HUWE1: variants seen among roughly 807,000 people sequenced by gnomAD.
The protein encoded by HUWE1 is E3 ubiquitin-protein ligase HUWE1.
A neutral mutation model predicts 299.4 loss-of-function variants in HUWE1; 18 were observed. The ratio of observed to expected loss-of-function variants is 0.06; its 90% CI spans 0.04 to 0.09. HUWE1 has a LOEUF of 0.09. Among genes scored for constraint, HUWE1 ranks in the 10% least tolerant of loss-of-function variants. HUWE1 has a pLI of 1.00. For missense variants in HUWE1, 1,832 were observed against 3,462.3 expected, an observed-to-expected ratio of 0.53 and a Z score of 11.82; for synonymous variants, 1,317 against 1,286.1, an observed-to-expected ratio of 1.02 and a Z score of -0.51.
intron 12 of HUWE1, 147 bp from the exon 13 acceptor site, chrX:53,629,763 T>C: frequency 2.2e-6 from 1 of 445,742 alleles, no homozygotes; most frequent in Admixed American, 3.7e-5. Flanking sequence ...AATTAAATTC[T>C]GAAGGACTGG....
intron 42 of HUWE1, among the ~76,000 whole-genome samples, chrX:53,583,076 T>C (rs935365382): frequency 6.2e-5 from 7 of 112,347 alleles, no homozygotes; most frequent in African/African-American, 2.3e-4. Flanking sequence ...TTTTCTGATC[T>C]GCACAATGGA....
intron 47 of HUWE1, among the ~76,000 whole-genome samples, chrX:53,571,946 T>G (rs1556951978): frequency 1.3e-4 from 15 of 112,125 alleles, no homozygotes; most frequent in Non-Finnish European, 2.4e-4. Context: ...CTTAGGCATA[T>G]ACTACCCAAC....
chrX:53,625,867 GGCCGGGGCCGGGGCCAGGGCCGGT>G (rs782137077), intron 17 of HUWE1: 15 of 260,809 alleles, frequency 5.8e-5, no homozygotes, highest in Non-Finnish European at 1.1e-4. Flanking sequence ...CCGGGGCCGG[GGCCGGGGCCGGGGCCAGGGCCGGT>G]GCCGGGGCCG....
chrX:53,548,839 A>G, intron 67 of HUWE1, 120 bp downstream of exon 67: 1 of 603,933 alleles, frequency 1.7e-6, no homozygotes, highest in East Asian at 3.6e-5. Context: ...GAAACAATAC[A>G]GGGCTCAACA....
chrX:53,589,922 C>T lies in HUWE1; in HGVS notation c.4192-106G>A. The T allele has an allele frequency of 5.8e-6, 5 of 860,543 alleles. No homozygotes were observed. The South Asian group carries it at 8.7e-5, about 15-fold the overall frequency. The allele number at this position is 860,543 out of a possible 1,213,427, so 70.9% of individuals were successfully genotyped here. A position where few individuals can be genotyped will look rare whatever the true frequency, so the allele number is the denominator to read the frequency against. Reference sequence around the variant, plus strand: ...GCTCTACCATATGATTACCCTCAACCTTCTCCTCAAGCGGTTGATACTTTC... The same window carrying T: ...GCTCTACCATATGATTACCCTCAACTTTCTCCTCAAGCGGTTGATACTTTC... On this transcript the variant is annotated intron_variant, in intron 35 of 83. Coordinates refer to ENST00000262854, the MANE Select transcript of HUWE1 (RefSeq NM_031407.7).
chrX:53,640,195 C>T (rs782264451), intron 7 of HUWE1, among the ~76,000 whole-genome samples: 2 of 111,607 alleles, frequency 1.8e-5, no homozygotes, highest in South Asian at 7.5e-4. Context: ...CCCATCTCTA[C>T]AAAAAATATA....
Position 53,573,883 on chromosome X carries a change from T to C in HUWE1, c.6179A>G (p.Lys2060Arg), listed in dbSNP as rs1556955351. 1 of 1,211,576 alleles carries C rather than the reference T, an allele frequency of 8.3e-7. No individual in the cohort carries two copies. The highest frequency in any genetic ancestry group is 1.8e-5 in the South Asian group (1 of 56,975). Residue 2060 changes from lysine to arginine, a missense_variant, in exon 47 of 84, where the codon AAG (lysine) becomes AGG (arginine). This residue lies in a region of HUWE1 where 157 missense variants were observed against 252.3 expected (regional missense o/e 0.62). Coordinates refer to ENST00000262854, the MANE Select transcript of HUWE1 (RefSeq NM_031407.7). ...GGTAGGCATTAAAGGTTTGCTGCCC[T>C]TGCCTTTCTGTTTGCCTTCCTCAGA... is the stretch of plus-strand genomic sequence containing the variant. ...RASEEGKQKG[K>R]GSKPLMPTST...
intron 68 of HUWE1, among the ~76,000 whole-genome samples, chrX:53,547,158 T>C (rs1285715782): frequency 8.9e-6 from 1 of 112,108 alleles, no homozygotes; most frequent in African/African-American, 3.2e-5. Flanking sequence ...CCCACCATCA[T>C]GGCCCACTCT....
rs782221561 is a variant in HUWE1 at position 53,533,297 on chromosome X, G to A, written c.*12C>T. 2 of 1,141,250 alleles carry A rather than the reference G, an allele frequency of 1.8e-6. No individual in the cohort carries two copies. Among genetic ancestry groups the A allele is most frequent in the East Asian group, 6.0e-5 (2 of 33,506 alleles). 94.1% of individuals were successfully genotyped at this position (1,141,250 alleles called of 1,213,427 possible). A position where few individuals can be genotyped will look rare whatever the true frequency, so the allele number is the denominator to read the frequency against. On this transcript the variant is annotated 3_prime_UTR_variant, in exon 84 of 84. Transcript: ENST00000262854. Reference sequence around the variant, plus strand: ...TGGTAAAAAAAACCCCACGGAGTTGGGCAGGGCCTTATTAGGCCAGCCCAA... The same window carrying A: ...TGGTAAAAAAAACCCCACGGAGTTGAGCAGGGCCTTATTAGGCCAGCCCAA...
At chrX:53,566,417 T>C (rs2062576811) in intron 49 of HUWE1, among the ~76,000 whole-genome samples, 1 of 107,172 alleles carries the variant, frequency 9.3e-6, no homozygotes, top group African/African-American at 3.4e-5. Flanking sequence ...CATAGTGAGA[T>C]CCTGTTTCTA....
chrX:53,547,617 G>A, intron 68 of HUWE1, 56 bp downstream of exon 68: 2 of 1,194,687 alleles, frequency 1.7e-6, no homozygotes, highest in East Asian at 3.0e-5. Context: ...GGAAAAGGGG[G>A]TGAAGTGGGT....
In HUWE1 at chrX:53,648,523, T is replaced by TA. The variant is rs1557037695; in HGVS notation, c.46-214dup. 6.9e-3 allele frequency among the ~76,000 whole-genome samples: 599 copies of TA among 86,902 alleles called. 17 individuals carry two copies. Among genetic ancestry groups the TA allele is most frequent in the African/African-American group, 0.05 (565 of 11,384 alleles). The allele number at this position is 86,902 out of a possible 115,157, so 75.5% of individuals were successfully genotyped here. ...ATTCCCCCAACAATCCACCTGGGCT[T>TA]AAAAAACAAAAAAAAACAAAAAAAA... On this transcript the variant is annotated intron_variant, in intron 4 of 83. Coordinates refer to ENST00000262854, the MANE Select transcript of HUWE1 (RefSeq NM_031407.7).
At position 53,627,416 on chromosome X, in the gene HUWE1, T is replaced by C. The variant is rs782641553; in HGVS notation, c.1483A>G (p.Met495Val). The C allele has an allele frequency of 2.7e-6, 3 of 1,120,148 alleles. No homozygotes were observed. The highest frequency in any genetic ancestry group is 6.0e-5 in the East Asian group (2 of 33,450). The allele number at this position is 1,120,148 out of a possible 1,213,427, so 92.3% of individuals were successfully genotyped here. A position where few individuals can be genotyped will look rare whatever the true frequency, so the allele number is the denominator to read the frequency against. Residue 495 changes from methionine (M) to valine (V), a missense_variant, in exon 17 of 84, where the codon ATG (methionine) becomes GTG (valine). Physicochemically the swap from Met to Val is conservative, Grantham distance 21. This residue lies in a region of HUWE1 where 658 missense variants were observed against 1,282.6 expected (regional missense o/e 0.51). Transcript: ENST00000262854. ...TQEGEEMETD[M>V]DGVQCIPQRA... ...CTTAATAACTGTTAATTACCATCCATATCAGTTTCCATTTCCTCTCCTTCT... is the reference window on the plus strand; with the variant it reads ...CTTAATAACTGTTAATTACCATCCACATCAGTTTCCATTTCCTCTCCTTCT...
chrX:53,625,866 G>T, intron 17 of HUWE1: 1 of 251,582 alleles, frequency 4.0e-6, no homozygotes, highest in East Asian at 1.5e-4. Flanking sequence ...GCCGGGGCCG[G>T]GGCCGGGGCC....
At chrX:53,617,578 A>C in intron 19 of HUWE1, 132 bp from the exon 20 acceptor site, 1 of 500,405 alleles carries the variant, frequency 2.0e-6, no homozygotes, top group Non-Finnish European at 3.6e-6. Context: ...CTATGAAATT[A>C]AAGATCCTAA....
chrX:53,672,309 C>T (rs1557049701), intron 3 of HUWE1, among the ~76,000 whole-genome samples: 1 of 105,520 alleles, frequency 9.5e-6, no homozygotes, highest in Non-Finnish European at 1.9e-5. Flanking sequence ...GTCGCCCAGG[C>T]TGGAATGCAG....
intron 7 of HUWE1, among the ~76,000 whole-genome samples, chrX:53,642,335 T>C (rs1390791085): frequency 1.8e-5 from 2 of 112,246 alleles, no homozygotes; most frequent in African/African-American, 6.5e-5. Context: ...CAATGAAAAC[T>C]GTTGCTTTTA....
intron 19 of HUWE1, among the ~76,000 whole-genome samples, chrX:53,622,068 G>A (rs925406854): frequency 2.7e-5 from 3 of 112,120 alleles, no homozygotes; most frequent in Non-Finnish European, 5.6e-5. Flanking sequence ...GAGGGAGAAG[G>A]AGTCAGAATA....
intron 4 of HUWE1, among the ~76,000 whole-genome samples, chrX:53,648,590 G>A (rs2068242388): frequency 9.6e-6 from 1 of 104,020 alleles, no homozygotes; most frequent in Non-Finnish European, 1.9e-5. Context: ...TTGGATAAAG[G>A]TAGATGCAGA....
Sources: allele counts gnomAD v4.1 joint callset (sites outside exome capture counted in the v4.1 genomes callset), GRCh38; gene constraint gnomAD v4.1.1; regional missense constraint gnomAD v4.1.1; transcripts MANE v1.5; gene names NCBI Gene and HGNC (gene_info 2026-07-23, HGNC 2026-07-21).